The following ZMIZ1 variants were observed in gnomAD, a reference collection of about 807,000 sequenced individuals.
ZMIZ1 encodes zinc finger MIZ-type containing 1, also known as zinc finger MIZ domain-containing protein 1.
A neutral mutation model predicts 113.9 loss-of-function variants in ZMIZ1; 17 were observed. That is an observed-to-expected ratio of 0.15 (90% confidence interval 0.10 to 0.22). ZMIZ1 has a LOEUF of 0.22. Among genes scored for constraint, ZMIZ1 ranks in the 10% least tolerant of loss-of-function variants. ZMIZ1 has a pLI of 1.00. For synonymous variants in ZMIZ1, 607 were observed against 603.1 expected (o/e 1.01, Z -0.09); for missense variants, 1,059 against 1,477.8 (o/e 0.72, Z 4.65).
chr10:79,222,582 GA>G (rs1380201451), intron 7 of ZMIZ1, among the ~76,000 whole-genome samples: 1 of 152,202 alleles, frequency 6.6e-6, no homozygotes, highest in African/African-American at 2.4e-5. Context: ...ACAGCCATGG[GA>G]AATGTCAGCA....
At chr10:79,284,430 A>G (rs1021620368) in intron 8 of ZMIZ1, among the ~76,000 whole-genome samples, 1 of 152,174 alleles carries the variant, frequency 6.6e-6, no homozygotes, top group African/African-American at 2.4e-5. Flanking sequence ...GAGGCTTGAG[A>G]AGCACATTTT....
intron 19 of ZMIZ1, 133 bp downstream of exon 19, chr10:79,304,308 G>A (rs1815427139): frequency 9.9e-6 from 12 of 1,213,164 alleles, no homozygotes; most frequent in South Asian, 4.7e-5. Context: ...AGCAGCTGGC[G>A]TCACTCATTA....
chr10:79,293,799 C>T (rs749531412), intron 12 of ZMIZ1, 146 bp downstream of exon 12: 2 of 1,270,496 alleles, frequency 1.6e-6, no homozygotes, highest in South Asian at 1.2e-5. Context: ...TCAGGTGCTC[C>T]TGGGTTTGAG....
At chr10:79,203,865 AC>A (rs1204562822) in intron 5 of ZMIZ1, among the ~76,000 whole-genome samples, 1 of 151,516 alleles carries the variant, frequency 6.6e-6, no homozygotes, top group Non-Finnish European at 1.5e-5. Flanking sequence ...AGCCCACACC[AC>A]CCTCCCTCAC....
rs1475238398 is a variant in ZMIZ1 at position 79,239,488 on chromosome 10, G to A, written c.280+23214G>A. ...CCCTCTGAGCGCCTACGCCCGCATG[G>A]GTGACATCTCCGAGTCATAGGATCC... is the stretch of plus-strand genomic sequence containing the variant. On this transcript the variant is annotated intron_variant, in intron 7 of 24. Coordinates refer to ENST00000334512, the MANE Select transcript of ZMIZ1 (RefSeq NM_020338.4). Among the ~76,000 whole-genome samples the A allele has an allele frequency of 2.0e-5, 3 of 152,186 alleles. No homozygotes were observed. In the South Asian group the frequency reaches 6.2e-4, roughly 31 times the overall value.
At chr10:79,312,217 G>T (rs1034191191) in intron 24 of ZMIZ1, among the ~76,000 whole-genome samples, 16 of 152,248 alleles carry the variant, frequency 1.1e-4, no homozygotes, top group African/African-American at 3.6e-4. Context: ...ATGTTGGGGG[G>T]TTGGGGGCGG....
chr10:79,177,702 C>T (rs1472951897), intron 4 of ZMIZ1, among the ~76,000 whole-genome samples: 2 of 152,202 alleles, frequency 1.3e-5, no homozygotes, highest in African/African-American at 2.4e-5. Context: ...TGACTTTGGC[C>T]TGTAAATGGA....
rs1029203810 is a variant in ZMIZ1 at position 79,279,636 on chromosome 10, G to A, written c.425+2311G>A. 1.3e-4 allele frequency among the ~76,000 whole-genome samples: 20 copies of A among 152,316 alleles called. No homozygotes were observed. In the East Asian group the frequency reaches 2.1e-3, roughly 16 times the overall value. On this transcript the variant is annotated intron_variant, in intron 8 of 24. Coordinates refer to ENST00000334512, the MANE Select transcript of ZMIZ1 (RefSeq NM_020338.4). Reference sequence around the variant, plus strand: ...GCAGCTGGGAGGTGGAGATTGTAGCGAGCCGAGATCACGCCACTGCACTCC... The same window carrying A: ...GCAGCTGGGAGGTGGAGATTGTAGCAAGCCGAGATCACGCCACTGCACTCC...
intron 6 of ZMIZ1, among the ~76,000 whole-genome samples, chr10:79,212,657 G>A (rs1372023790): frequency 1.3e-5 from 2 of 151,942 alleles, no homozygotes; most frequent in Non-Finnish European, 2.9e-5. Context: ...TCGGGTAGCT[G>A]AGGTAGGAGA....
chr10:79,290,852 C>T (rs1472055037), intron 9 of ZMIZ1, 107 bp from the exon 10 acceptor site: 1 of 1,305,434 alleles, frequency 7.7e-7, no homozygotes, highest in Admixed American at 1.8e-5. Flanking sequence ...TCCCTGTTGT[C>T]CTGCCTCCAC....
At chr10:79,311,425 C>G (rs1349555620) in intron 24 of ZMIZ1, among the ~76,000 whole-genome samples, 1 of 152,184 alleles carries the variant, frequency 6.6e-6, no homozygotes, top group Non-Finnish European at 1.5e-5. Flanking sequence ...GCCCTGAACC[C>G]CAGCCCTGAC....
chr10:79,306,541 G>C (rs531030801), intron 22 of ZMIZ1, among the ~76,000 whole-genome samples, 197 bp downstream of exon 22: 1 of 152,134 alleles, frequency 6.6e-6, no homozygotes, highest in Non-Finnish European at 1.5e-5. Flanking sequence ...TTCAGAGCCT[G>C]CCCTGGTGGG....
At chr10:79,252,851 A>T (rs2132893569) in intron 7 of ZMIZ1, among the ~76,000 whole-genome samples, 1 of 152,354 alleles carries the variant, frequency 6.6e-6, no homozygotes, top group East Asian at 1.9e-4. Context: ...AGCCCTTGGT[A>T]TGTGCAGGAA....
chr10:79,303,103 G>T (rs962530776), intron 18 of ZMIZ1, among the ~76,000 whole-genome samples: 35 of 151,560 alleles, frequency 2.3e-4, no homozygotes, highest in African/African-American at 8.2e-4. Flanking sequence ...CTCACGATCC[G>T]CCCACCTCGG....
intron 4 of ZMIZ1, among the ~76,000 whole-genome samples, chr10:79,190,533 T>C (rs1045050703): frequency 2.0e-5 from 3 of 152,256 alleles, no homozygotes; most frequent in African/African-American, 7.2e-5. Flanking sequence ...GTCTGCCTTC[T>C]GATTCCTCTG....
intron 8 of ZMIZ1, among the ~76,000 whole-genome samples, chr10:79,279,852 C>G (rs1214839450): frequency 6.6e-6 from 1 of 152,142 alleles, no homozygotes; most frequent in African/African-American, 2.4e-5. Context: ...ATCCCAGGCA[C>G]TCGGCAGGCT....
At chr10:79,179,474 T>TG (rs1847017732) in intron 4 of ZMIZ1, among the ~76,000 whole-genome samples, 1 of 152,250 alleles carries the variant, frequency 6.6e-6, no homozygotes, top group Non-Finnish European at 1.5e-5. Context: ...ACTCAGTCTC[T>TG]GGGGCACCAC....
chr10:79,187,544 C>T (rs1219130654), intron 4 of ZMIZ1, among the ~76,000 whole-genome samples: 1 of 152,156 alleles, frequency 6.6e-6, no homozygotes, highest in Non-Finnish European at 1.5e-5. Context: ...CGAGTGGGCT[C>T]CCGGAAAGCT....
chr10:79,069,921 G>C lies in ZMIZ1; in HGVS notation c.-337+651G>C, dbSNP rs1842197390. Among the ~76,000 whole-genome samples the C allele has an allele frequency of 6.6e-6, 1 of 151,918 alleles. No individual in the cohort carries two copies. The highest frequency in any genetic ancestry group is 1.5e-5 in the Non-Finnish European group (1 of 67,964). On this transcript the variant is annotated intron_variant, in intron 1 of 24. Transcript: ENST00000334512. The surrounding 1 kb of genome is among the most constrained non-coding windows in gnomAD (Gnocchi z 4.6). ...GTGTGTGTGCAGGGTTTTCTCCCAG[G>C]GCTTCGCAAGCCAGAGGGGCGCTCA...
Sources: allele counts gnomAD v4.1 joint callset (sites outside exome capture counted in the v4.1 genomes callset), GRCh38; gene constraint gnomAD v4.1.1; non-coding constraint Gnocchi (gnomAD v3.1); transcripts MANE v1.5; gene names NCBI Gene and HGNC (gene_info 2026-07-23, HGNC 2026-07-21).